PTPRD: variants seen among roughly 807,000 people sequenced by gnomAD.
PTPRD encodes protein tyrosine phosphatase receptor type D.
In PTPRD, 34 loss-of-function variants were observed where a neutral mutation model predicts 214.5. The ratio of observed to expected loss-of-function variants is 0.16; its 90% CI spans 0.12 to 0.21. The LOEUF (loss-of-function observed/expected upper bound fraction) is 0.21. Among genes scored for constraint, PTPRD ranks in the 10% least tolerant of loss-of-function variants. The pLI, the probability that PTPRD is intolerant of heterozygous loss-of-function variation, is 1.00. For synonymous variants in PTPRD, 1,128 were observed against 845.7 expected (o/e 1.33, Z -5.79); for missense variants, 2,545 against 2,398.7 (o/e 1.06, Z -1.27).
chr9:9,472,189 C>CT (rs1220396472), intron 8 of PTPRD, among the ~76,000 whole-genome samples: 1,946 of 82,728 alleles, frequency 0.024, 32 homozygotes, highest in Non-Finnish European at 0.027. Context: ...CTACTCCAAT[C>CT]TTTTTTTTTT....
chr9:10,041,598 C>T (rs1365957998), intron 3 of PTPRD, among the ~76,000 whole-genome samples: 1 of 151,488 alleles, frequency 6.6e-6, no homozygotes, highest in Non-Finnish European at 1.5e-5. Context: ...AGAGACTTTA[C>T]TAGATTCATT....
At chr9:10,384,016 C>A (rs1586821097) in intron 2 of PTPRD, among the ~76,000 whole-genome samples, 2 of 143,624 alleles carry the variant, frequency 1.4e-5, no homozygotes, top group Admixed American at 7.2e-5. Flanking sequence ...GGATGGTTAC[C>A]AAAGACTGAG....
intron 3 of PTPRD, among the ~76,000 whole-genome samples, chr9:10,197,993 AATT>A (rs2099404582): frequency 6.6e-6 from 1 of 152,062 alleles, no homozygotes; most frequent in South Asian, 2.1e-4. Context: ...TAAACATTGA[AATT>A]ATTTTCAACC....
At chr9:8,902,066 C>A (rs1325466863) in intron 11 of PTPRD, among the ~76,000 whole-genome samples, 1 of 152,184 alleles carries the variant, frequency 6.6e-6, no homozygotes, top group Non-Finnish European at 1.5e-5. Context: ...ATCCCATATG[C>A]ATAATCTCTA....
At chr9:9,385,915 C>T (rs1243011054) in intron 9 of PTPRD, among the ~76,000 whole-genome samples, 2 of 152,054 alleles carry the variant, frequency 1.3e-5, no homozygotes. Context: ...TTAAAATATG[C>T]TGTATCATAA....
intron 22 of PTPRD, among the ~76,000 whole-genome samples, chr9:8,505,351 G>A (rs1002858974): frequency 3.9e-5 from 6 of 152,080 alleles, no homozygotes; most frequent in South Asian, 2.1e-4. Flanking sequence ...GGCCGGGCAC[G>A]GTGGCTCACG....
Position 8,499,764 on chromosome 9 carries a change from G to C in PTPRD, c.2205C>G (p.Pro735=), listed in dbSNP as rs769709172. 2.5e-6 allele frequency: 4 copies of C among 1,614,024 alleles called. No homozygotes were observed. The highest frequency in any genetic ancestry group is 1.1e-5 in the South Asian group (1 of 91,074). The change falls in exon 25 of 46, where the codon CCC becomes CCG. Residue 735 remains proline (P), a synonymous_variant. Transcript: ENST00000381196. ...STSVKVSWRS[P]VPNKQHGQIR... is the part of the protein sequence containing the mutation. Reference sequence around the variant, plus strand: ...TCTGGCCATGCTGTTTATTGGGCACGGGTGAGCGCCATGAGACTTTAACAG... The same window carrying C: ...TCTGGCCATGCTGTTTATTGGGCACCGGTGAGCGCCATGAGACTTTAACAG...
At chr9:10,485,409 A>AT (rs2132387994) in intron 2 of PTPRD, among the ~76,000 whole-genome samples, 1 of 152,200 alleles carries the variant, frequency 6.6e-6, no homozygotes, top group Admixed American at 6.5e-5. Context: ...TGTCATTGGC[A>AT]TTTTGACAGG....
chr9:9,008,874 G>C (rs2099494969), intron 11 of PTPRD, among the ~76,000 whole-genome samples: 1 of 152,056 alleles, frequency 6.6e-6, no homozygotes, highest in Non-Finnish European at 1.5e-5. Flanking sequence ...AAGGAAGCAT[G>C]TCAGGTAAAG....
chr9:9,961,018 C>G (rs941318117), intron 4 of PTPRD, among the ~76,000 whole-genome samples: 1 of 152,090 alleles, frequency 6.6e-6, no homozygotes, highest in African/African-American at 2.4e-5. Context: ...ACAGACACTT[C>G]TCAAAAGAAG....
At position 10,161,558 on chromosome 9, in the gene PTPRD, G is replaced by A. The variant is rs571212214; in HGVS notation, c.-544-127768C>T. Among the ~76,000 whole-genome samples the A allele has an allele frequency of 8.6e-5, 13 of 151,746 alleles. No individual in the cohort carries two copies. The East Asian group carries it at 2.5e-3, about 29-fold the overall frequency. The stretch of plus-strand genomic sequence containing the variant: ...TATAACAATAAAATCAAAATGATTT[G>A]CAAATCTTAATCGAAGACTTGAAAC... On this transcript the variant is annotated intron_variant, in intron 3 of 45. Transcript: ENST00000381196.
At chr9:8,706,456 G>A (rs572799853) in intron 12 of PTPRD, among the ~76,000 whole-genome samples, 29 of 152,128 alleles carry the variant, frequency 1.9e-4, no homozygotes, top group Admixed American at 1.3e-4. Flanking sequence ...AGTGTTCATG[G>A]TTTTGCCAAT....
At chr9:9,551,877 G>A (rs1009544787) in intron 8 of PTPRD, among the ~76,000 whole-genome samples, 5 of 151,852 alleles carry the variant, frequency 3.3e-5, no homozygotes, top group Non-Finnish European at 7.4e-5. Flanking sequence ...TGGAACAATG[G>A]GATCATCTCT....
At chr9:10,351,990 T>A (rs1323491) in intron 2 of PTPRD, among the ~76,000 whole-genome samples, 2 of 151,818 alleles carry the variant, frequency 1.3e-5, no homozygotes, top group African/African-American at 4.8e-5. Flanking sequence ...TGTGGAGGCA[T>A]TGATAGGTAA....
At chr9:8,427,975 T>G (rs1420697432) in intron 35 of PTPRD, among the ~76,000 whole-genome samples, 2 of 152,172 alleles carry the variant, frequency 1.3e-5, no homozygotes, top group Non-Finnish European at 2.9e-5. Flanking sequence ...GGAAACCTGA[T>G]AAGCATGTAT....
intron 35 of PTPRD, among the ~76,000 whole-genome samples, chr9:8,417,528 G>A (rs1190521250): frequency 6.6e-6 from 1 of 152,126 alleles, no homozygotes. Context: ...ACTTTAATAG[G>A]ATTTCTAGTA....
intron 11 of PTPRD, among the ~76,000 whole-genome samples, chr9:8,881,020 G>A (rs959575240): frequency 6.6e-6 from 1 of 152,110 alleles, no homozygotes. Context: ...ACCCACCTCG[G>A]CCTCCCAAAG....
chr9:9,530,404 C>A (rs955984541), intron 8 of PTPRD, among the ~76,000 whole-genome samples: 1 of 152,058 alleles, frequency 6.6e-6, no homozygotes, highest in African/African-American at 2.4e-5. Flanking sequence ...TGGATAAATT[C>A]CTGGACACAT....
chr9:9,809,073 T>A (rs9408786), intron 5 of PTPRD, among the ~76,000 whole-genome samples: 85,857 of 151,162 alleles, frequency 0.57, 27,331 homozygotes, highest in East Asian at 0.88. Flanking sequence ...GGCAGAAGCC[T>A]CCGTGCCTAG....
Sources: allele counts gnomAD v4.1 joint callset (sites outside exome capture counted in the v4.1 genomes callset), GRCh38; gene constraint gnomAD v4.1.1; transcripts MANE v1.5; gene names NCBI Gene and HGNC (gene_info 2026-07-23, HGNC 2026-07-21).